ZNF454: variants seen among roughly 807,000 people sequenced by gnomAD.
The protein encoded by ZNF454 is zinc finger protein 454.
A neutral mutation model predicts 48.2 loss-of-function variants in ZNF454; 30 were observed. The observed-to-expected ratio is 0.62, with a 90% CI of 0.47 to 0.84. The LOEUF is 0.84. Among genes scored for constraint, ZNF454 ranks in the 40% least tolerant of loss-of-function variants. ZNF454 has a pLI of 0.00. For missense variants in ZNF454, 510 were observed against 623.1 expected, an observed-to-expected ratio of 0.82 and a Z score of 1.93; for synonymous variants, 204 against 211.4, an observed-to-expected ratio of 0.97 and a Z score of 0.30.
chr5:178,960,989 G>A (rs934364451), intron 4 of ZNF454, among the ~76,000 whole-genome samples: 8 of 147,854 alleles, frequency 5.4e-5, no homozygotes, highest in African/African-American at 2.0e-4. Flanking sequence ...GGAGTGCAGT[G>A]GCACGATCTC....
chr5:178,960,598 G>A (rs750518556), intron 4 of ZNF454, among the ~76,000 whole-genome samples: 1 of 151,608 alleles, frequency 6.6e-6, no homozygotes, highest in Non-Finnish European at 1.5e-5. Context: ...GTCATTGAGG[G>A]TGCCATATGA....
intron 4 of ZNF454, among the ~76,000 whole-genome samples, chr5:178,948,510 G>A (rs1326941324): frequency 6.6e-6 from 1 of 152,166 alleles, no homozygotes; most frequent in Non-Finnish European, 1.5e-5. Flanking sequence ...GAGGAGTATG[G>A]AGGTGAAGAG....
downstream of ZNF454, among the ~76,000 whole-genome samples, chr5:178,966,714 G>A (rs1477023623): frequency 6.6e-6 from 1 of 151,932 alleles, no homozygotes; most frequent in Non-Finnish European, 1.5e-5. Flanking sequence ...CAGCTTTAAT[G>A]GAAGCCTTAG....
chr5:178,969,046 A>G (rs145585819), downstream of ZNF454: 1 of 369,540 alleles, frequency 2.7e-6, no homozygotes. Flanking sequence ...GGCAAAAAGT[A>G]CGTCACTGGC....
chr5:178,963,503 C>T (rs1284134193), intron 4 of ZNF454, among the ~76,000 whole-genome samples: 2 of 151,640 alleles, frequency 1.3e-5, no homozygotes, highest in African/African-American at 2.4e-5. Flanking sequence ...TTTTCTGCAG[C>T]GAGTGGGAAA....
rs575965907 is a variant in ZNF454, at chr5:178,944,202, C to T, written c.33+1378C>T. On this transcript the variant is annotated intron_variant, in intron 2 of 4. Coordinates refer to ENST00000519564, the MANE Select transcript of ZNF454 (RefSeq NM_001178089.3). The surrounding 1 kb of genome is among the most constrained non-coding windows in gnomAD (Gnocchi z 4.1). Reference sequence around the variant, plus strand: ...GAAAGGATGACCAGCTAGGTGGGAGCGCCATGTTCAACATAGCACAGCTCA... The same window carrying T: ...GAAAGGATGACCAGCTAGGTGGGAGTGCCATGTTCAACATAGCACAGCTCA... Among the ~76,000 whole-genome samples the T allele has an allele frequency of 3.9e-5, 6 of 152,288 alleles. No individual in the cohort carries two copies. The highest frequency in any genetic ancestry group is 1.2e-4 in the African/African-American group (5 of 41,550).
the ZNF454 span, chr5:178,985,677 T>A: frequency 1.0e-5 from 4 of 390,230 alleles, no homozygotes; most frequent in Middle Eastern, 4.3e-4. Context: ...CACTCCAGCC[T>A]GGGCGACACA....
the ZNF454 span, chr5:178,989,496 G>A: frequency 5.9e-3 from 8,987 of 1,520,958 alleles, 445 homozygotes; most frequent in African/African-American, 0.11. Context: ...CTTTCAGCTA[G>A]GAGTGGCCAG....
chr5:178,986,089 T>TC, the ZNF454 span: 1 of 1,583,086 alleles, frequency 6.3e-7, no homozygotes, highest in Non-Finnish European at 8.6e-7. Context: ...TTGCGGACAG[T>TC]CCCCCTCCCT....
intron 4 of ZNF454, among the ~76,000 whole-genome samples, chr5:178,957,907 G>A (rs75964525): frequency 0.022 from 3,347 of 152,118 alleles, 58 homozygotes; most frequent in Non-Finnish European, 0.031. Context: ...TATTTAAAAA[G>A]TCAAATAATT....
chr5:178,985,474 T>G, the ZNF454 span, among the ~76,000 whole-genome samples: 4 of 150,106 alleles, frequency 2.7e-5, no homozygotes, highest in South Asian at 2.1e-4. Flanking sequence ...GAGGCCGAGG[T>G]GGGCGGATCA....
the ZNF454 span, among the ~76,000 whole-genome samples, chr5:178,977,696 A>T: frequency 2.6e-5 from 4 of 151,914 alleles, no homozygotes; most frequent in Non-Finnish European, 2.9e-5. Context: ...CAGCCCCCCG[A>T]GTAACTGGGA....
chr5:178,952,342 A>G (rs1381185540), intron 4 of ZNF454, among the ~76,000 whole-genome samples: 3 of 152,194 alleles, frequency 2.0e-5, no homozygotes, highest in Non-Finnish European at 4.4e-5. Flanking sequence ...GAGGTTGAAC[A>G]TCTTTTCATA....
At chr5:178,981,907 C>T in the ZNF454 span, 1,372 of 1,083,378 alleles carry the variant, frequency 1.3e-3, 15 homozygotes, top group African/African-American at 0.019. The surrounding 1 kb of genome is among the most constrained non-coding windows in gnomAD (Gnocchi z 5.1). Context: ...CTCCCTGCCC[C>T]GCTCCACACA....
At chr5:178,970,186 A>G (rs181492323), downstream of ZNF454, among the ~76,000 whole-genome samples, 2 of 152,170 alleles carry the variant, frequency 1.3e-5, no homozygotes, top group East Asian at 3.9e-4. Flanking sequence ...TAATCCAAGA[A>G]CGCCATAGCC....
the ZNF454 span, among the ~76,000 whole-genome samples, chr5:178,975,030 G>A: frequency 7.2e-5 from 11 of 152,110 alleles, no homozygotes; most frequent in Non-Finnish European, 1.6e-4. Context: ...GTTTCTGGCC[G>A]GGGGCAGTGC....
At chr5:178,986,121 C>T in the ZNF454 span, 1,609 of 1,611,510 alleles carry the variant, frequency 1.0e-3, 6 homozygotes, top group Middle Eastern at 5.9e-3. Context: ...TGGGAGCCTA[C>T]GGACCCACCT....
At chr5:178,952,750 T>TA (rs1759609474) in intron 4 of ZNF454, among the ~76,000 whole-genome samples, 1 of 100,086 alleles carries the variant, frequency 1.0e-5, no homozygotes, top group Non-Finnish European at 2.4e-5. Flanking sequence ...TTTACCTTTT[T>TA]CTTTTTTTTC....
the ZNF454 span, among the ~76,000 whole-genome samples, chr5:178,987,830 G>A: frequency 1.8e-4 from 28 of 151,810 alleles, no homozygotes; most frequent in African/African-American, 6.8e-4. Flanking sequence ...CACAATCCCA[G>A]CTCACTGCAA....
Sources: gnomAD v4.1 joint callset for allele counts (sites outside exome capture counted in the v4.1 genomes callset) on GRCh38, gnomAD v4.1.1 for gene constraint, Gnocchi (gnomAD v3.1) non-coding constraint, MANE v1.5 for transcripts, NCBI Gene and HGNC (gene_info 2026-07-23, HGNC 2026-07-21) for gene names.